SLC24A3: variants seen among roughly 807,000 people sequenced by gnomAD.
The protein encoded by SLC24A3 is sodium/potassium/calcium exchanger 3.
Under a neutral mutation model 75.8 loss-of-function variants are expected in SLC24A3, and 28 were observed. The observed-to-expected ratio is 0.37, with a 90% CI of 0.27 to 0.51. The LOEUF (loss-of-function observed/expected upper bound fraction) is 0.51, where lower values mean the gene tolerates loss of function less well. Ranked by LOEUF, SLC24A3 falls within the 20% of genes least tolerant of loss-of-function variation. The pLI, the probability that SLC24A3 is intolerant of heterozygous loss-of-function variation, is 0.94. For missense variants in SLC24A3, 663 were observed against 847.8 expected (o/e 0.78, Z 2.71); for synonymous variants, 372 against 334.1 (o/e 1.11, Z -1.24).
intron 6 of SLC24A3, among the ~76,000 whole-genome samples, chr20:19,609,112 T>C (rs555865867): frequency 1.3e-5 from 2 of 152,256 alleles, no homozygotes; most frequent in East Asian, 3.9e-4. Context: ...ATGATACTAA[T>C]ATTAAAGGAT....
chr20:19,464,384 C>T (rs773444805), intron 2 of SLC24A3, among the ~76,000 whole-genome samples: 9 of 132,524 alleles, frequency 6.8e-5, no homozygotes, highest in South Asian at 2.5e-4. Flanking sequence ...CGTGCGCACA[C>T]GTGTGTACAC....
At chr20:19,641,955 C>G (rs13041153) in intron 6 of SLC24A3, among the ~76,000 whole-genome samples, 43,176 of 152,136 alleles carry the variant, frequency 0.28, 7,732 homozygotes, top group Non-Finnish European at 0.4. Context: ...AGGGACTAAC[C>G]ATGTGCACTC....
chr20:19,517,479 T>C (rs1374327173), intron 3 of SLC24A3, among the ~76,000 whole-genome samples: 1 of 152,196 alleles, frequency 6.6e-6, no homozygotes, highest in East Asian at 1.9e-4. Context: ...TCTGTGGTAG[T>C]GCATTTCCAG....
chr20:19,711,949 T>TTTTG (rs369245728), intron 15 of SLC24A3, among the ~76,000 whole-genome samples: 1 of 151,720 alleles, frequency 6.6e-6, no homozygotes, highest in East Asian at 1.9e-4. Context: ...CAGATGCTCA[T>TTTTG]TTTGTTTGTT....
At chr20:19,580,141 C>T in intron 4 of SLC24A3, 67 bp downstream of exon 4, 1 of 1,401,580 alleles carries the variant, frequency 7.1e-7, no homozygotes, top group Non-Finnish European at 1.0e-6. Context: ...CTGTACTGTT[C>T]CAGCCTCCTC....
At chr20:19,454,104 GCAGTGCT>G (rs1987538605) in intron 2 of SLC24A3, among the ~76,000 whole-genome samples, 1 of 152,198 alleles carries the variant, frequency 6.6e-6, no homozygotes, top group Non-Finnish European at 1.5e-5. Flanking sequence ...GGGTTAAGAA[GCAGTGCT>G]CAGAGCCAGT....
chr20:19,607,912 C>A (rs143809986), intron 6 of SLC24A3, among the ~76,000 whole-genome samples: 1 of 152,234 alleles, frequency 6.6e-6, no homozygotes. Context: ...TGTCTTTCCC[C>A]TGTCCATATC....
intron 6 of SLC24A3, among the ~76,000 whole-genome samples, chr20:19,592,056 G>A (rs1314870055): frequency 6.6e-6 from 1 of 152,184 alleles, no homozygotes; most frequent in Non-Finnish European, 1.5e-5. Flanking sequence ...TAAACCATTT[G>A]TATTTCCACC....
chr20:19,247,311 C>A (rs1270029738), intron 1 of SLC24A3, among the ~76,000 whole-genome samples: 3 of 152,148 alleles, frequency 2.0e-5, no homozygotes, highest in African/African-American at 7.2e-5. Context: ...CTCCTACCTA[C>A]CCTCGCGAAA....
At chr20:19,398,732 G>T (rs1222875000) in intron 2 of SLC24A3, among the ~76,000 whole-genome samples, 1 of 152,158 alleles carries the variant, frequency 6.6e-6, no homozygotes, top group Non-Finnish European at 1.5e-5. Flanking sequence ...GAAGTGAGGA[G>T]AGTAGCTATC....
intron 1 of SLC24A3, among the ~76,000 whole-genome samples, chr20:19,254,752 G>A (rs1467866015): frequency 6.6e-6 from 1 of 152,164 alleles, no homozygotes. Context: ...CTTCCACCGA[G>A]GAAGATGAGA....
At chr20:19,360,957 GC>G (rs1252184108) in intron 2 of SLC24A3, among the ~76,000 whole-genome samples, 2 of 152,236 alleles carry the variant, frequency 1.3e-5, no homozygotes, top group Middle Eastern at 3.4e-3. Flanking sequence ...CTCCCGAGTA[GC>G]TGGGACTACA....
intron 2 of SLC24A3, among the ~76,000 whole-genome samples, chr20:19,412,861 G>A (rs1412908369): frequency 6.6e-6 from 1 of 152,250 alleles, no homozygotes; most frequent in East Asian, 1.9e-4. Flanking sequence ...CCAGCCAATT[G>A]ATATTACTTT....
intron 6 of SLC24A3, among the ~76,000 whole-genome samples, chr20:19,629,039 T>G (rs1446626622): frequency 6.6e-6 from 1 of 151,730 alleles, no homozygotes; most frequent in Non-Finnish European, 1.5e-5. Context: ...TTAATAAATC[T>G]CCAGTAACTG....
At chr20:19,258,202 G>A (rs1018378763) in intron 1 of SLC24A3, among the ~76,000 whole-genome samples, 11 of 152,138 alleles carry the variant, frequency 7.2e-5, no homozygotes, top group South Asian at 2.1e-4. Context: ...TCCTGGAGGC[G>A]GGCACCTTTG....
At chr20:19,574,055 C>T (rs575059610) in intron 3 of SLC24A3, among the ~76,000 whole-genome samples, 2 of 152,204 alleles carry the variant, frequency 1.3e-5, no homozygotes, top group Non-Finnish European at 2.9e-5. Flanking sequence ...TCCCACCAAG[C>T]AGCGCATCTG....
At chr20:19,300,877 G>A (rs1984179087) in intron 2 of SLC24A3, among the ~76,000 whole-genome samples, 1 of 152,160 alleles carries the variant, frequency 6.6e-6, no homozygotes, top group African/African-American at 2.4e-5. Context: ...GCTGCGAGAA[G>A]TGGGGGTGGC....
At chr20:19,285,669 G>A (rs1056716700) in intron 2 of SLC24A3, among the ~76,000 whole-genome samples, 50 of 149,782 alleles carry the variant, frequency 3.3e-4, no homozygotes, top group African/African-American at 1.2e-3. Context: ...TGTTTTCTTA[G>A]CCTGACACTG....
chr20:19,588,342 C>T lies in SLC24A3; in HGVS notation c.612+2798C>T, dbSNP rs117203081. On this transcript the variant is annotated intron_variant, in intron 6 of 16. Transcript: ENST00000328041. Reference sequence around the variant, plus strand: ...TTCATTTGGCTGGGAGAATTACCAGCGAGTGCCCGTGGGCCTCCCTCTATG... The same window carrying T: ...TTCATTTGGCTGGGAGAATTACCAGTGAGTGCCCGTGGGCCTCCCTCTATG... 6.9e-3 allele frequency among the ~76,000 whole-genome samples: 1,058 copies of T among 152,298 alleles called. 9 individuals are homozygous for T. The highest frequency in any genetic ancestry group is 0.011 in the Non-Finnish European group (773 of 68,016).
Sources: gnomAD v4.1 joint callset for allele counts (sites outside exome capture counted in the v4.1 genomes callset) on GRCh38, gnomAD v4.1.1 for gene constraint, MANE v1.5 for transcripts, NCBI Gene and HGNC (gene_info 2026-07-23, HGNC 2026-07-21) for gene names.